The following BIN1 variants were observed in gnomAD, a reference collection of about 807,000 sequenced individuals.
BIN1 encodes the protein bridging integrator 1.
In BIN1, 53 loss-of-function variants were observed where a neutral mutation model predicts 82.0. The observed-to-expected ratio is 0.65, with a 90% CI of 0.52 to 0.81. The LOEUF is 0.81. Among genes scored for constraint, BIN1 ranks in the 40% least tolerant of loss-of-function variants. The pLI is 0.00. For missense variants in BIN1, 642 were observed against 784.4 expected (o/e 0.82, Z 2.17); for synonymous variants, 302 against 328.0 (o/e 0.92, Z 0.86).
chr2:127,085,807 C>A (rs1353906095), intron 1 of BIN1, among the ~76,000 whole-genome samples: 1 of 152,210 alleles, frequency 6.6e-6, no homozygotes, highest in Non-Finnish European at 1.5e-5. Flanking sequence ...TGCCCCCATA[C>A]CTGGGGCCCC....
At chr2:127,070,192 C>A in intron 4 of BIN1, 102 bp from the exon 5 acceptor site, 1 of 931,354 alleles carries the variant, frequency 1.1e-6, no homozygotes. Context: ...CTCTTCACAG[C>A]TCAGTGGCTT....
At position 127,099,865 on chromosome 2, in the gene BIN1, G is replaced by T. The variant is rs372463267; in HGVS notation, c.84+6995C>A. Among the ~76,000 whole-genome samples the T allele has an allele frequency of 5.4e-5, 8 of 149,292 alleles. 1 individual carries two copies. The highest frequency in any genetic ancestry group is 4.0e-4 in the Admixed American group (6 of 14,954). ...GTCGCCCAGGCCGGAGTGCAGTGGT[G>T]TGATCTCAGCTCACTGCAACCTCCG... On this transcript the variant is annotated intron_variant, in intron 1 of 18. Coordinates refer to ENST00000316724, the MANE Select transcript of BIN1 (RefSeq NM_139343.3).
chr2:127,058,844 G>A (rs544009919), intron 11 of BIN1, among the ~76,000 whole-genome samples, 167 bp downstream of exon 11: 36 of 152,350 alleles, frequency 2.4e-4, no homozygotes, highest in African/African-American at 6.7e-4. Context: ...AGGCTGGATG[G>A]GGGAAAGGAG....
chr2:127,073,128 G>A (rs1175510440), intron 2 of BIN1, among the ~76,000 whole-genome samples: 1 of 152,214 alleles, frequency 6.6e-6, no homozygotes, highest in Admixed American at 6.5e-5. Flanking sequence ...TGGGCTGTGC[G>A]CCGGCACGTG....
chr2:127,066,278 G>A (rs532123720), intron 7 of BIN1, among the ~76,000 whole-genome samples: 1 of 152,290 alleles, frequency 6.6e-6, no homozygotes, highest in South Asian at 2.1e-4. Flanking sequence ...GGACCCAAAT[G>A]GGACAGCTAG....
At chr2:127,061,319 G>A (rs1312654178) in intron 10 of BIN1, among the ~76,000 whole-genome samples, 1 of 151,904 alleles carries the variant, frequency 6.6e-6, no homozygotes, top group Non-Finnish European at 1.5e-5. Flanking sequence ...CAGGGAAGGA[G>A]GGGGCAATCA....
rs766319258 is a variant in BIN1, at chr2:127,062,181, T to C, written c.791A>G (p.Asn264Ser). Residue 264 changes from asparagine (N) to serine (S), a missense_variant, in exon 10 of 19, where the codon AAT (asparagine) becomes AGT (serine). Physicochemically the swap from Asn to Ser is conservative, Grantham distance 46. Transcript: ENST00000316724. ...CTTCTCCAGGCCGACCAGCACATCA[T>C]TGAGGTTCTGGTTGAGCTGCAGGAG... Reference protein sequence around the residue: ...KEMSKLNQNLNDVLVGLEKQH... With the variant: ...KEMSKLNQNLSDVLVGLEKQH... 2.3e-5 allele frequency: 37 copies of C among 1,609,442 alleles called. 1 individual carries two copies. Among genetic ancestry groups the C allele is most frequent in the Middle Eastern group, 3.3e-4 (2 of 6,078 alleles).
intron 2 of BIN1, among the ~76,000 whole-genome samples, chr2:127,071,916 G>C (rs897720558): frequency 1.1e-4 from 16 of 152,226 alleles, no homozygotes; most frequent in African/African-American, 3.9e-4. Flanking sequence ...TCAGGAGATG[G>C]CCTTCATGCT....
At chr2:127,063,522 C>T in intron 9 of BIN1, 49 bp downstream of exon 9, 1 of 1,585,056 alleles carries the variant, frequency 6.3e-7, no homozygotes, top group South Asian at 1.1e-5. Context: ...TGACTCTGAC[C>T]CTCGGCCAGG....
chr2:127,069,947 A>G, intron 5 of BIN1, 48 bp downstream of exon 5: 1 of 1,584,202 alleles, frequency 6.3e-7, no homozygotes, highest in African/African-American at 1.3e-5. Flanking sequence ...TCCTCTCTCC[A>G]GTTCCCTCCA....
At position 127,052,409 on chromosome 2, in the gene BIN1, G is replaced by T. The variant is rs778204035; in HGVS notation, c.1264-47C>A. On this transcript the variant is annotated intron_variant, in intron 14 of 18. Transcript: ENST00000316724. ...AGAACAGGGAGGGGGCGGGGAGGCC[G>T]GGGTGGAAAGGCAATGGGCAGGATC... 4 of 1,501,742 alleles carry T rather than the reference G, an allele frequency of 2.7e-6. No individual in the cohort carries two copies. The African/African-American group carries it at 5.5e-5, about 21-fold the overall frequency. 93.0% of individuals were successfully genotyped at this position (1,501,742 alleles called of 1,614,324 possible).
In BIN1 at chr2:127,094,648, G is replaced by A. The variant is rs899489452; in HGVS notation, c.84+12212C>T. Among the ~76,000 whole-genome samples, 56 of 152,326 alleles carry A rather than the reference G, an allele frequency of 3.7e-4. 1 individual carries two copies. The highest frequency in any genetic ancestry group is 1.0e-3 in the Admixed American group (16 of 15,304). On this transcript the variant is annotated intron_variant, in intron 1 of 18. Transcript: ENST00000316724. ...ATGGGGAAGGCCTCCCTAGTCTCTC[G>A]CAGTGCAGCAGGCAGGGTGACCCGC...
intron 7 of BIN1, among the ~76,000 whole-genome samples, chr2:127,065,105 A>G (rs1684985059): frequency 6.6e-6 from 1 of 152,168 alleles, no homozygotes; most frequent in South Asian, 2.1e-4. Context: ...CGATTGCCCC[A>G]AGCCCAGCCA....
chr2:127,078,399 G>C (rs1323206068), intron 1 of BIN1, among the ~76,000 whole-genome samples: 1 of 152,192 alleles, frequency 6.6e-6, no homozygotes, highest in Non-Finnish European at 1.5e-5. Flanking sequence ...GAGACTTCCT[G>C]GAGTGGGTGG....
In BIN1 at chr2:127,051,378, GC is replaced by G. The variant is rs1225726138; in HGVS notation, c.1372-136del. 1.3e-5 allele frequency: 11 copies of G among 870,046 alleles called. No individual in the cohort carries two copies. In the African/African-American group the frequency reaches 1.7e-4, roughly 13 times the overall value. The allele number at this position is 870,046 out of a possible 1,614,324, so 53.9% of individuals were successfully genotyped here. On this transcript the variant is annotated intron_variant, in intron 15 of 18. Transcript: ENST00000316724. ...CTGGCTGGCAGCAGGGTCTAGAGCTGCCCAGTGCCTCGAAGAATCCAGGGAG... is the reference window on the plus strand; with the variant it reads ...CTGGCTGGCAGCAGGGTCTAGAGCTGCCAGTGCCTCGAAGAATCCAGGGAG...
intron 8 of BIN1, 70 bp downstream of exon 8, chr2:127,063,863 G>A (rs946550822): frequency 1.8e-5 from 29 of 1,586,910 alleles, no homozygotes; most frequent in East Asian, 9.0e-5. Context: ...ACCACAGCAC[G>A]CAGACTGGGC....
chr2:127,062,034 G>T, intron 10 of BIN1, 81 bp downstream of exon 10: 1 of 1,493,016 alleles, frequency 6.7e-7, no homozygotes. Flanking sequence ...GGACCAGGGA[G>T]GGCACCAACA....
chr2:127,074,829 AGT>A (rs926529463), intron 2 of BIN1, among the ~76,000 whole-genome samples: 10 of 152,298 alleles, frequency 6.6e-5, no homozygotes, highest in South Asian at 2.1e-4. Context: ...CAGCCTCCCG[AGT>A]AGCTAGGACT....
At chr2:127,071,475 G>A (rs952744865) in intron 2 of BIN1, among the ~76,000 whole-genome samples, 3 of 152,232 alleles carry the variant, frequency 2.0e-5, no homozygotes, top group Non-Finnish European at 4.4e-5. Flanking sequence ...AGTGGGCTGG[G>A]TGGTGAAGCT....
Sources: allele counts gnomAD v4.1 joint callset (sites outside exome capture counted in the v4.1 genomes callset), GRCh38; gene constraint gnomAD v4.1.1; transcripts MANE v1.5; gene names NCBI Gene and HGNC (gene_info 2026-07-23, HGNC 2026-07-21).